Variants in ATAD2B observed in about 807,000 individuals in gnomAD.
ATAD2B encodes the protein ATPase family AAA domain containing 2B.
In ATAD2B, 40 loss-of-function variants were observed where a neutral mutation model predicts 167.6. The observed-to-expected ratio is 0.24, with a 90% CI of 0.19 to 0.31. The LOEUF (loss-of-function observed/expected upper bound fraction) is 0.31, where lower values mean the gene tolerates loss of function less well. Ranked by LOEUF, ATAD2B falls within the 10% of genes least tolerant of loss-of-function variation. The pLI is 1.00. For missense variants in ATAD2B, 1,242 were observed against 1,757.2 expected (o/e 0.71, Z 5.24); for synonymous variants, 579 against 596.5 (o/e 0.97, Z 0.43).
At chr2:23,738,558 A>T in the ATAD2B span, among the ~76,000 whole-genome samples, 2 of 152,236 alleles carry the variant, frequency 1.3e-5, no homozygotes, top group Non-Finnish European at 2.9e-5. Flanking sequence ...AGCACTAAAC[A>T]TGGAAAGGAA....
the ATAD2B span, chr2:23,696,084 C>T: frequency 1.3e-6 from 2 of 1,551,834 alleles, no homozygotes; most frequent in Non-Finnish European, 1.7e-6. The surrounding 1 kb of genome is among the most constrained non-coding windows in gnomAD (Gnocchi z 5.5). Flanking sequence ...CCTTCTATGA[C>T]CGCGAGTTCT....
At chr2:23,868,387 A>C (rs992671202) in intron 9 of ATAD2B, among the ~76,000 whole-genome samples, 1 of 152,192 alleles carries the variant, frequency 6.6e-6, no homozygotes, top group Admixed American at 6.5e-5. Context: ...TACAGCCTCA[A>C]CCTCCTGGGC....
chr2:23,768,500 G>A (rs1052927952), intron 22 of ATAD2B, among the ~76,000 whole-genome samples: 1 of 151,728 alleles, frequency 6.6e-6, no homozygotes, highest in African/African-American at 2.4e-5. Flanking sequence ...GAGCCCAAGG[G>A]AGTTGAGGCT....
intron 1 of ATAD2B, among the ~76,000 whole-genome samples, chr2:23,903,055 C>G (rs1701020058): frequency 1.3e-5 from 2 of 151,882 alleles, no homozygotes; most frequent in Middle Eastern, 3.2e-3. Flanking sequence ...GGCAAAATGG[C>G]AAGACCGTGT....
In ATAD2B at chr2:23,885,760, T is replaced by C. The variant is rs910093114; in HGVS notation, c.642A>G (p.Val214=). ...NIRRNRRSGE[V]ERLRMWTDTE... Reference sequence around the variant, plus strand: ...TATCTGTCCACATTCGAAGTCGTTCTACTTCTCCTGATCGACGATTCCGTC... The same window carrying C: ...TATCTGTCCACATTCGAAGTCGTTCCACTTCTCCTGATCGACGATTCCGTC... Residue 214 remains valine (V), a synonymous_variant, in exon 5 of 28, where the codon GTA becomes GTG. Transcript: ENST00000238789. The C allele has an allele frequency of 3.1e-6, 5 of 1,599,752 alleles. No individual in the cohort carries two copies. The highest frequency in any genetic ancestry group is 4.3e-6 in the Non-Finnish European group (5 of 1,171,816).
intron 22 of ATAD2B, among the ~76,000 whole-genome samples, chr2:23,770,108 G>C (rs904573337): frequency 1.3e-5 from 2 of 150,690 alleles, no homozygotes; most frequent in African/African-American, 2.4e-5. Flanking sequence ...TCAGGAGTTC[G>C]AGACCAGCCT....
At chr2:23,700,151 T>C in the ATAD2B span, among the ~76,000 whole-genome samples, 1,408 of 152,324 alleles carry the variant, frequency 9.2e-3, 6 homozygotes, top group Non-Finnish European at 0.013. The surrounding 1 kb of genome is among the most constrained non-coding windows in gnomAD (Gnocchi z 4.6). Context: ...ATTTAATCTT[T>C]CATTATCCAG....
intron 6 of ATAD2B, among the ~76,000 whole-genome samples, chr2:23,882,812 C>CAAA (rs563255481): frequency 4.1e-4 from 54 of 130,288 alleles, no homozygotes; most frequent in African/African-American, 1.3e-3. Flanking sequence ...TCCATCTCAA[C>CAAA]AACAACAACA....
chr2:23,772,064 ATCACTG>A lies in ATAD2B; in HGVS notation c.3134-6442_3134-6437del, dbSNP rs551422725. On this transcript the variant is annotated intron_variant, in intron 22 of 27. Coordinates refer to ENST00000238789, the MANE Select transcript of ATAD2B (RefSeq NM_017552.4). The stretch of plus-strand genomic sequence containing the variant: ...TCTTATTTGTTTCTATCTTTTGGGA[ATCACTG>A]TCCTGTGTTGCCTGGTGTCCAATGC... Among the ~76,000 whole-genome samples, 47 of 152,316 alleles carry A rather than the reference ATCACTG, an allele frequency of 3.1e-4. No homozygotes were observed. In the South Asian group the frequency reaches 4.8e-3, roughly 15 times the overall value.
chr2:23,757,198 T>C (rs1249287568), intron 25 of ATAD2B, among the ~76,000 whole-genome samples: 1 of 152,150 alleles, frequency 6.6e-6, no homozygotes, highest in African/African-American at 2.4e-5. Context: ...CTCGAAACGA[T>C]ACACCCTCTG....
rs546334906 is a variant in ATAD2B, at chr2:23,820,753, T to G, written c.2132-871A>C. 2.6e-5 allele frequency among the ~76,000 whole-genome samples: 4 copies of G among 152,324 alleles called. No homozygotes were observed. The East Asian group carries it at 5.8e-4, about 22-fold the overall frequency. On this transcript the variant is annotated intron_variant, in intron 16 of 27. Coordinates refer to ENST00000238789, the MANE Select transcript of ATAD2B (RefSeq NM_017552.4). ...GCTAAACATTTAATCGAGACCATCC[T>G]GGCTAACATGGTGAAACTCTTGTCT...
At chr2:23,822,462 T>A (rs1024746653) in intron 16 of ATAD2B, among the ~76,000 whole-genome samples, 3 of 151,372 alleles carry the variant, frequency 2.0e-5, no homozygotes, top group African/African-American at 7.3e-5. Flanking sequence ...GGAGAACTGC[T>A]TGAACCTGGG....
chr2:23,842,952 G>A (rs954657482), intron 13 of ATAD2B, among the ~76,000 whole-genome samples: 2 of 151,974 alleles, frequency 1.3e-5, no homozygotes, highest in Non-Finnish European at 2.9e-5. Flanking sequence ...TAATATCCAG[G>A]ACACAATCCA....
intron 22 of ATAD2B, among the ~76,000 whole-genome samples, chr2:23,780,674 C>A (rs1286759898): frequency 1.3e-5 from 2 of 152,066 alleles, no homozygotes; most frequent in Non-Finnish European, 2.9e-5. Context: ...CCGAGAGGGG[C>A]AGATCACCTG....
intron 16 of ATAD2B, 144 bp from the exon 17 acceptor site, chr2:23,820,026 C>A: frequency 1.8e-6 from 1 of 541,564 alleles, no homozygotes; most frequent in Non-Finnish European, 3.2e-6. Context: ...TGACAAACTG[C>A]AGCTTTTAAA....
the ATAD2B span, among the ~76,000 whole-genome samples, chr2:23,704,300 G>C: frequency 1.3e-5 from 2 of 152,202 alleles, no homozygotes; most frequent in Non-Finnish European, 2.9e-5. Context: ...GCTGTGCTCA[G>C]AGTCCCAAAG....
the ATAD2B span, among the ~76,000 whole-genome samples, chr2:23,737,443 G>A: frequency 6.6e-6 from 1 of 152,152 alleles, no homozygotes; most frequent in Admixed American, 6.5e-5. Context: ...ACAGAGTCTG[G>A]AGTGGACCTC....
chr2:23,791,917 A>G (rs1333502987), intron 19 of ATAD2B, among the ~76,000 whole-genome samples: 1 of 152,188 alleles, frequency 6.6e-6, no homozygotes, highest in African/African-American at 2.4e-5. Flanking sequence ...TGGCTGGATC[A>G]TATGGCATTT....
the ATAD2B span, chr2:23,708,275 CA>C: frequency 6.6e-6 from 1 of 152,144 alleles, no homozygotes; most frequent in African/African-American, 2.4e-5. Flanking sequence ...GTAATAAGCA[CA>C]AAACTACATA....
Sources: allele counts gnomAD v4.1 joint callset (sites outside exome capture counted in the v4.1 genomes callset), GRCh38; gene constraint gnomAD v4.1.1; non-coding constraint Gnocchi (gnomAD v3.1); transcripts MANE v1.5; gene names NCBI Gene and HGNC (gene_info 2026-07-23, HGNC 2026-07-21).